The following TSHZ3 variants were observed in gnomAD, a reference collection of about 807,000 sequenced individuals.
The protein encoded by TSHZ3 is teashirt zinc finger homeobox 3, also known as teashirt homolog 3.
TSHZ3 carries 10 observed loss-of-function variants against 64.5 expected under a neutral mutation model. The ratio of observed to expected loss-of-function variants is 0.16; its 90% CI spans 0.10 to 0.26. TSHZ3 has a LOEUF of 0.26. Ranked by LOEUF, TSHZ3 falls within the 10% of genes least tolerant of loss-of-function variation. The probability of loss-of-function intolerance (pLI) is 1.00; values close to 1 mark genes in which losing one functional copy is unlikely to be tolerated. For missense variants in TSHZ3, 1,242 were observed against 1,421.7 expected (o/e 0.87, Z 2.03); for synonymous variants, 608 against 593.1 (o/e 1.03, Z -0.36).
intron 1 of TSHZ3, among the ~76,000 whole-genome samples, chr19:31,348,415 G>T (rs1401353788): frequency 4.4e-5 from 5 of 114,080 alleles, no homozygotes; most frequent in South Asian, 6.3e-4. Flanking sequence ...GAAAAGAAAA[G>T]AAAAAAATCG....
intron 6 of TSHZ3, among the ~76,000 whole-genome samples, chr19:31,155,636 G>T (rs1974297410): frequency 6.6e-6 from 1 of 152,196 alleles, no homozygotes; most frequent in Admixed American, 6.5e-5. Flanking sequence ...AAGCATTTTA[G>T]ATTAGACGTC....
chr19:31,320,229 T>G (rs770729837), intron 1 of TSHZ3, among the ~76,000 whole-genome samples: 2 of 151,990 alleles, frequency 1.3e-5, no homozygotes, highest in Non-Finnish European at 2.9e-5. Flanking sequence ...GGTGGGTAAA[T>G]ATGACCCTGG....
chr19:31,249,884 C>A (rs1975812985), intron 1 of TSHZ3, among the ~76,000 whole-genome samples: 1 of 152,224 alleles, frequency 6.6e-6, no homozygotes, highest in Admixed American at 6.5e-5. Flanking sequence ...TCCTGGAAGA[C>A]ACTCCGTGGT....
intron 1 of TSHZ3, among the ~76,000 whole-genome samples, chr19:31,314,556 A>C (rs1916552775): frequency 2.6e-5 from 4 of 152,206 alleles, no homozygotes; most frequent in Non-Finnish European, 5.9e-5. Context: ...GTGATACTAC[A>C]TTCTTGTGCA....
At chr19:31,185,445 G>T (rs191444277) in intron 5 of TSHZ3, among the ~76,000 whole-genome samples, 276 of 152,326 alleles carry the variant, frequency 1.8e-3, no homozygotes, top group Non-Finnish European at 3.1e-3. Context: ...CAGAATAGGG[G>T]TGTGCTTTGC....
chr19:31,181,862 G>C (rs977908201), intron 5 of TSHZ3, among the ~76,000 whole-genome samples: 2 of 151,668 alleles, frequency 1.3e-5, no homozygotes, highest in African/African-American at 2.4e-5. Context: ...CTTTATTCTG[G>C]CTAATTAGCA....
intron 1 of TSHZ3, among the ~76,000 whole-genome samples, chr19:31,263,103 A>G (rs1976002182): frequency 6.6e-6 from 1 of 152,170 alleles, no homozygotes; most frequent in Non-Finnish European, 1.5e-5. Context: ...AGCATCGTGA[A>G]GGGTGGTGTG....
chr19:31,338,562 T>C (rs1019546822), intron 1 of TSHZ3, among the ~76,000 whole-genome samples: 10 of 150,892 alleles, frequency 6.6e-5, no homozygotes, highest in African/African-American at 2.4e-4. Context: ...GATACGGTGT[T>C]GGTTTTTCTT....
intron 1 of TSHZ3, among the ~76,000 whole-genome samples, chr19:31,261,726 C>A (rs772212106): frequency 6.6e-6 from 1 of 152,156 alleles, no homozygotes; most frequent in Non-Finnish European, 1.5e-5. Flanking sequence ...GGGTTTCCTG[C>A]TTACAGAAAC....
intron 5 of TSHZ3, among the ~76,000 whole-genome samples, chr19:31,188,776 G>T (rs1316483824): frequency 6.6e-6 from 1 of 151,730 alleles, no homozygotes; most frequent in East Asian, 1.9e-4. Flanking sequence ...TTCTTGTTTG[G>T]TTATTTATTA....
intron 5 of TSHZ3, among the ~76,000 whole-genome samples, chr19:31,197,564 C>A (rs903091802): frequency 6.6e-6 from 1 of 151,238 alleles, no homozygotes; most frequent in Non-Finnish European, 1.5e-5. Flanking sequence ...AAAACCGGTG[C>A]CCCAGCTAAC....
At chr19:31,310,211 G>A (rs939256983) in intron 1 of TSHZ3, among the ~76,000 whole-genome samples, 1 of 152,008 alleles carries the variant, frequency 6.6e-6, no homozygotes, top group South Asian at 2.1e-4. Context: ...TCCCTACTCT[G>A]GTCCCAGGTA....
chr19:31,305,311 T>A (rs1916262801), intron 1 of TSHZ3, among the ~76,000 whole-genome samples: 1 of 143,336 alleles, frequency 7.0e-6, no homozygotes, highest in Non-Finnish European at 1.5e-5. Context: ...TTCTGCTGTC[T>A]GGAAAGGAAA....
chr19:31,319,999 C>T (rs1916716530), intron 1 of TSHZ3, among the ~76,000 whole-genome samples: 1 of 152,152 alleles, frequency 6.6e-6, no homozygotes, highest in South Asian at 2.1e-4. Flanking sequence ...GTAACCGCTA[C>T]AGCCTGGCTC....
chr19:31,158,195 A>G (rs1247589005), intron 5 of TSHZ3, among the ~76,000 whole-genome samples: 1 of 152,198 alleles, frequency 6.6e-6, no homozygotes, highest in Admixed American at 6.5e-5. Flanking sequence ...GTGGCTACTG[A>G]ACACTCGACA....
intron 1 of TSHZ3, among the ~76,000 whole-genome samples, chr19:31,283,981 CA>C (rs1454978105): frequency 6.6e-6 from 1 of 152,104 alleles, no homozygotes; most frequent in Non-Finnish European, 1.5e-5. Context: ...TTCAGTAGCC[CA>C]GGGGTAGGCA....
At chr19:31,193,650 A>G (rs931890494) in intron 5 of TSHZ3, among the ~76,000 whole-genome samples, 2 of 152,160 alleles carry the variant, frequency 1.3e-5, no homozygotes, top group Non-Finnish European at 2.9e-5. Context: ...AATCATCTTT[A>G]TCCCTTAGGG....
At chr19:31,188,461 A>T (rs1974847458) in intron 5 of TSHZ3, among the ~76,000 whole-genome samples, 1 of 151,976 alleles carries the variant, frequency 6.6e-6, no homozygotes, top group Non-Finnish European at 1.5e-5. Flanking sequence ...ATATTAGGGG[A>T]ACTCTATCAG....
At chr19:31,194,424 A>T (rs1974956007) in intron 5 of TSHZ3, among the ~76,000 whole-genome samples, 1 of 152,212 alleles carries the variant, frequency 6.6e-6, no homozygotes, top group Non-Finnish European at 1.5e-5. Context: ...ATCAGAACTT[A>T]TCTCACCTGG....
Sources: allele counts gnomAD v4.1 joint callset (sites outside exome capture counted in the v4.1 genomes callset), GRCh38; gene constraint gnomAD v4.1.1; transcripts MANE v1.5; gene names NCBI Gene and HGNC (gene_info 2026-07-23, HGNC 2026-07-21).